AS3MT: variants seen among roughly 807,000 people sequenced by gnomAD.
AS3MT encodes the protein S-adenosyl-L-methionine:arsenic(III) methyltransferase.
A neutral mutation model predicts 45.3 loss-of-function variants in AS3MT; 47 were observed. That is an observed-to-expected ratio of 1.04 (90% CI 0.82 to 1.32). The LOEUF (loss-of-function observed/expected upper bound fraction) is 1.32. Among genes scored for constraint, AS3MT ranks in the 40% most tolerant of loss-of-function variants. AS3MT has a pLI of 0.00. For missense variants in AS3MT, 396 were observed against 451.1 expected (o/e 0.88, Z 1.11); for synonymous variants, 141 against 152.8 (o/e 0.92, Z 0.57).
At chr10:102,887,319 C>T (rs1175277636) in intron 9 of AS3MT, among the ~76,000 whole-genome samples, 1 of 152,176 alleles carries the variant, frequency 6.6e-6, no homozygotes, top group East Asian at 1.9e-4. Context: ...GTAAAATGCT[C>T]TGTGAATGTC....
chr10:102,898,465 G>A (rs550528967), intron 10 of AS3MT, among the ~76,000 whole-genome samples: 28 of 152,048 alleles, frequency 1.8e-4, no homozygotes, highest in Admixed American at 9.2e-4. Context: ...GTGTGGTGGC[G>A]GGTGCCTGTA....
chr10:102,872,175 G>A (rs1418046993), intron 3 of AS3MT, among the ~76,000 whole-genome samples: 2 of 152,156 alleles, frequency 1.3e-5, no homozygotes, highest in African/African-American at 2.4e-5. Flanking sequence ...GTGAGCCACC[G>A]CGCCCAGCCT....
chr10:102,877,787 C>T (rs1443733501), intron 7 of AS3MT, among the ~76,000 whole-genome samples: 1 of 136,930 alleles, frequency 7.3e-6, no homozygotes, highest in African/African-American at 2.7e-5. Flanking sequence ...GAGTCTCGCT[C>T]TGTCACCCAG....
chr10:102,869,747 C>G (rs1162754787), intron 1 of AS3MT, 58 bp from the exon 2 acceptor site: 11 of 1,613,024 alleles, frequency 6.8e-6, no homozygotes, highest in Non-Finnish European at 9.3e-6. Flanking sequence ...CTGGCCCCCT[C>G]CCTCATGCCC....
chr10:102,898,114 C>CTT (rs879845465), intron 10 of AS3MT, among the ~76,000 whole-genome samples: 1 of 143,324 alleles, frequency 7.0e-6, no homozygotes. Context: ...ACATTCTTAT[C>CTT]TTTTTTTTTT....
intron 3 of AS3MT, 139 bp downstream of exon 3, chr10:102,870,350 A>G (rs1844657201): frequency 1.7e-6 from 2 of 1,146,322 alleles, no homozygotes; most frequent in African/African-American, 1.6e-5. Context: ...CCTAAATCTC[A>G]GCACCCATCA....
In AS3MT at chr10:102,892,985, AAAATAAATAAATAAATAAAT is replaced by A. The variant is rs35801309; in HGVS notation, c.1020+2334_1020+2353del. Among the ~76,000 whole-genome samples, 21 of 138,332 alleles carry A rather than the reference AAAATAAATAAATAAATAAAT, an allele frequency of 1.5e-4. No homozygotes were observed. The Admixed American group carries it at 1.6e-3, about 10-fold the overall frequency. 90.8% of individuals were successfully genotyped at this position (138,332 alleles called of 152,430 possible). On this transcript the variant is annotated intron_variant, in intron 10 of 10. Coordinates refer to ENST00000369880, the MANE Select transcript of AS3MT (RefSeq NM_020682.4). ...TGGCAACAGAGTGAGACTCTGTCTC[AAAATAAATAAATAAATAAAT>A]AAATAAATAAATAAATAAATAAATA...
chr10:102,891,736 C>G (rs1275124319), intron 10 of AS3MT, among the ~76,000 whole-genome samples: 1 of 151,874 alleles, frequency 6.6e-6, no homozygotes, highest in African/African-American at 2.4e-5. Flanking sequence ...TCACTTGAGG[C>G]CAGGAGTTTG....
chr10:102,872,647 A>G (rs762373668), intron 4 of AS3MT, 49 bp downstream of exon 4: 1 of 1,556,782 alleles, frequency 6.4e-7, no homozygotes, highest in Non-Finnish European at 8.7e-7. Flanking sequence ...CAAAAGCATT[A>G]TTTGAAAAAT....
At position 102,873,235 on chromosome 10, in the gene AS3MT, T is replaced by C. The variant is rs762124913; in HGVS notation, c.458+2T>C. ...GAATGAGAGCCATGATATTGTTGTG[T>C]AGGTCTATATTCTTACTGTTATGAC... is the stretch of plus-strand genomic sequence containing the variant. On this transcript the variant is annotated splice_donor_variant, in intron 5 of 10. Transcript: ENST00000369880. LOFTEE classifies it high-confidence loss of function. 1.3e-6 allele frequency: 2 copies of C among 1,589,212 alleles called. No individual in the cohort carries two copies. The highest frequency in any genetic ancestry group is 2.3e-5 in the South Asian group (2 of 85,802).
Position 102,878,533 on chromosome 10 carries a change from G to T in AS3MT, c.742+23G>T, listed in dbSNP as rs775115242. ...TCGGTAAGATATGACAGACAGCAGG[G>T]ACTATTATAACTACAGCTTGAATGA... On this transcript the variant is annotated intron_variant, in intron 8 of 10. Transcript: ENST00000369880. 5 of 1,612,140 alleles carry T rather than the reference G, an allele frequency of 3.1e-6. No individual in the cohort carries two copies. In the South Asian group the frequency reaches 5.5e-5, roughly 18 times the overall value.
intron 1 of AS3MT, 51 bp downstream of exon 1, chr10:102,869,644 G>GC: frequency 6.3e-7 from 1 of 1,576,862 alleles, no homozygotes; most frequent in African/African-American, 1.3e-5. Context: ...CCTTCCCTGG[G>GC]CCCCCGCAAG....
intron 10 of AS3MT, among the ~76,000 whole-genome samples, chr10:102,892,015 A>G (rs1845079964): frequency 6.6e-6 from 1 of 151,438 alleles, no homozygotes; most frequent in Non-Finnish European, 1.5e-5. Context: ...AAGGAAAACT[A>G]TAACACTTGT....
chr10:102,891,231 A>G (rs1186878025), intron 10 of AS3MT, among the ~76,000 whole-genome samples: 1 of 151,976 alleles, frequency 6.6e-6, no homozygotes, highest in Admixed American at 6.6e-5. Context: ...ACTAATTATG[A>G]TTTTCGAGAG....
rs751685577 is a variant in AS3MT, at chr10:102,877,748, C to CTTT, written c.611-611_611-609dup. On this transcript the variant is annotated intron_variant, in intron 7 of 10. Coordinates refer to ENST00000369880, the MANE Select transcript of AS3MT (RefSeq NM_020682.4). The stretch of plus-strand genomic sequence containing the variant: ...TAATCATATAACCCAGTGATAACTT[C>CTTT]TTTTTTTTTTTTTTTTTTTTTTGAG... Among the ~76,000 whole-genome samples the CTTT allele has an allele frequency of 8.8e-3, 924 of 105,056 alleles. 6 individuals carry two copies. Among genetic ancestry groups the CTTT allele is most frequent in the Middle Eastern group, 0.018 (3 of 168 alleles). 68.9% of individuals were successfully genotyped at this position (105,056 alleles called of 152,430 possible). A position where few individuals can be genotyped will look rare whatever the true frequency, so the allele number is the denominator to read the frequency against.
chr10:102,890,229 C>T (rs1054915116), intron 9 of AS3MT, among the ~76,000 whole-genome samples: 1 of 152,024 alleles, frequency 6.6e-6, no homozygotes, highest in Non-Finnish European at 1.5e-5. Flanking sequence ...GTCTCGATCT[C>T]CTGACCTTGT....
rs768221077 is a variant in AS3MT, at chr10:102,878,909, C to A, written c.803C>A (p.Thr268Asn). ...RLFKHSKTGP[T>N]KRCQVIYNGG... ...TTCAAACACTCTAAGACAGGACCAA[C>A]CAAGAGATGCCAAGTTATTTACAAT... The change falls in exon 9 of 11, where the codon ACC becomes AAC. Residue 268 changes from threonine (T) to asparagine (N), a missense_variant. By Grantham distance (65) the Thr-to-Asn change is moderately conservative. Transcript: ENST00000369880. 1.2e-6 allele frequency: 2 copies of A among 1,613,834 alleles called. No homozygotes were observed. Among genetic ancestry groups the A allele is most frequent in the South Asian group, 1.1e-5 (1 of 91,072 alleles).
intron 3 of AS3MT, among the ~76,000 whole-genome samples, 163 bp downstream of exon 3, chr10:102,870,374 A>AT (rs1447044802): frequency 6.6e-6 from 1 of 152,170 alleles, no homozygotes; most frequent in African/African-American, 2.4e-5. Context: ...TACTGCTCTA[A>AT]GAACCTCCGA....
chr10:102,878,560 T>G, intron 8 of AS3MT, 50 bp downstream of exon 8: 2 of 1,593,224 alleles, frequency 1.3e-6, no homozygotes, highest in South Asian at 1.1e-5. Context: ...CTTGAATGAT[T>G]GAAATGTGGT....
Sources: allele counts gnomAD v4.1 joint callset (sites outside exome capture counted in the v4.1 genomes callset), GRCh38; gene constraint gnomAD v4.1.1; transcripts MANE v1.5; gene names NCBI Gene and HGNC (gene_info 2026-07-23, HGNC 2026-07-21).